The following MTG2 variants were observed in gnomAD, a reference collection of about 807,000 sequenced individuals.
The protein encoded by MTG2 is mitochondrial ribosome associated GTPase 2, also known as mitochondrial ribosome-associated GTPase 2.
In MTG2, 23 loss-of-function variants were observed where a neutral mutation model predicts 28.6. That is an observed-to-expected ratio of 0.80 (90% confidence interval 0.58 to 1.14). The LOEUF is 1.14. MTG2 is among the 50% of genes most tolerant of loss of function. The probability of loss-of-function intolerance (pLI) is 0.00; values close to 1 mark genes in which losing one functional copy is unlikely to be tolerated. For missense variants in MTG2, 539 were observed against 552.0 expected, an observed-to-expected ratio of 0.98 and a Z score of 0.24; for synonymous variants, 260 against 251.8, an observed-to-expected ratio of 1.03 and a Z score of -0.31.
intron 1 of MTG2, chr20:62,188,773 T>G (rs923592351): frequency 2.6e-5 from 4 of 152,154 alleles, no homozygotes; most frequent in Non-Finnish European, 4.4e-5. Context: ...TTACTGGTTT[T>G]TTTGTTTGTT....
At chr20:62,184,451 G>C (rs965095161) in intron 1 of MTG2, among the ~76,000 whole-genome samples, 1 of 152,242 alleles carries the variant, frequency 6.6e-6, no homozygotes. Context: ...GCAGAGTGCA[G>C]GTTAATGACA....
rs2058166769 is a variant in MTG2, at chr20:62,201,300, A to G, written c.*223A>G. 1.7e-6 allele frequency: 1 copy of G among 590,260 alleles called. No homozygotes were observed. The highest frequency in any genetic ancestry group is 2.2e-5 in the South Asian group (1 of 45,994). 36.6% of individuals were successfully genotyped at this position (590,260 alleles called of 1,614,324 possible). A position where few individuals can be genotyped will look rare whatever the true frequency, so the allele number is the denominator to read the frequency against. ...TTCCTGCACCTGTCAGCCTGCACCG[A>G]CTGATGAGCCAGTTGCTCATTTGTG... is the stretch of plus-strand genomic sequence containing the variant. On this transcript the variant is annotated 3_prime_UTR_variant, in exon 7 of 7. Transcript: ENST00000370823.
Position 62,193,599 on chromosome 20 carries a change from A to C in MTG2, c.179A>C (p.Lys60Thr), listed in dbSNP as rs1452100039. 4.3e-6 allele frequency: 7 copies of C among 1,612,634 alleles called. No homozygotes were observed. Among genetic ancestry groups the C allele is most frequent in the Non-Finnish European group, 5.9e-6 (7 of 1,179,918 alleles). Reference protein sequence around the residue: ...DLAKHQELPGKKLLSEKKLKR... With the variant: ...DLAKHQELPGTKLLSEKKLKR... Reference sequence around the variant, plus strand: ...GCCAAGCATCAGGAACTCCCGGGGAAGAAGCTGCTCTCTGAGAAAAAGCTG... The same window carrying C: ...GCCAAGCATCAGGAACTCCCGGGGACGAAGCTGCTCTCTGAGAAAAAGCTG... Residue 60 changes from lysine to threonine, a missense_variant, in exon 2 of 7, where the codon AAG becomes ACG. By Grantham distance (78) the Lys-to-Thr change is moderately conservative. Transcript: ENST00000370823.
rs1259416697 is a variant in MTG2, at chr20:62,197,900, G to A, written c.401G>A (p.Gly134Asp). Residue 134 changes from glycine to aspartate, a missense_variant, in exon 4 of 7, where the codon GGT (glycine) becomes GAT (aspartate). Physicochemically the swap from Gly to Asp is moderately conservative, Grantham distance 94. Coordinates refer to ENST00000370823, the MANE Select transcript of MTG2 (RefSeq NM_015666.4). ...TCGTCGGTCCTGTCGCGGTACCAGG[G>A]TTTCAGTGGAGAAGATGGAGGGAGT... ...SLSSVLSRYQ[G>D]FSGEDGGSKN... 1 of 1,614,240 alleles carries A rather than the reference G, an allele frequency of 6.2e-7. No individual in the cohort carries two copies.
chr20:62,185,002 C>T (rs1220091935), intron 1 of MTG2, among the ~76,000 whole-genome samples: 1 of 151,314 alleles, frequency 6.6e-6, no homozygotes, highest in African/African-American at 2.4e-5. Flanking sequence ...CCCAGGTACT[C>T]GGGAGGCTGA....
chr20:62,195,414 A>G (rs1000574003), intron 2 of MTG2, among the ~76,000 whole-genome samples: 1 of 152,194 alleles, frequency 6.6e-6, no homozygotes, highest in Non-Finnish European at 1.5e-5. Context: ...CTATGATTTC[A>G]GGAATGGTTT....
Position 62,201,167 on chromosome 20 carries a change from A to G in MTG2, c.*90A>G. 5 of 1,416,640 alleles carry G rather than the reference A, an allele frequency of 3.5e-6. No individual in the cohort carries two copies. The highest frequency in any genetic ancestry group is 4.6e-6 in the Non-Finnish European group (5 of 1,075,896). The allele number at this position is 1,416,640 out of a possible 1,614,324, so 87.8% of individuals were successfully genotyped here. On this transcript the variant is annotated 3_prime_UTR_variant, in exon 7 of 7. Transcript: ENST00000370823. ...TTTGAATGCATAAAGTGCCTTGTGGACACGGGGGAGTTGTGGTGCTTCTGG... is the reference window on the plus strand; with the variant it reads ...TTTGAATGCATAAAGTGCCTTGTGGGCACGGGGGAGTTGTGGTGCTTCTGG...
intron 1 of MTG2, among the ~76,000 whole-genome samples, chr20:62,191,146 C>T (rs1004481071): frequency 6.6e-6 from 1 of 152,154 alleles, no homozygotes; most frequent in Non-Finnish European, 1.5e-5. Context: ...ATGAGGACGT[C>T]CTGTGCACAG....
At position 62,197,851 on chromosome 20, in the gene MTG2, G is replaced by C; in HGVS notation, c.353-1G>C. The C allele has an allele frequency of 1.2e-6, 2 of 1,613,730 alleles. No homozygotes were observed. Among genetic ancestry groups the C allele is most frequent in the East Asian group, 2.2e-5 (1 of 44,880 alleles). On this transcript the variant is annotated splice_acceptor_variant, in intron 3 of 6. Transcript: ENST00000370823. LOFTEE classifies it high-confidence loss of function. ...GACTGAGATTCTTGTTCTTGCTTTA[G>C]TTGACCAGCAAGTCAAGTCCCTGTC...
intron 2 of MTG2, among the ~76,000 whole-genome samples, chr20:62,195,013 G>C (rs146727712): frequency 6.6e-6 from 1 of 152,126 alleles, no homozygotes; most frequent in African/African-American, 2.4e-5. Flanking sequence ...TGGCCAACAC[G>C]GTGAAACCCC....
chr20:62,197,851 G>T lies in MTG2; in HGVS notation c.353-1G>T, dbSNP rs758834549. 4 of 1,613,730 alleles carry T rather than the reference G, an allele frequency of 2.5e-6. No individual in the cohort carries two copies. Among genetic ancestry groups the T allele is most frequent in the Non-Finnish European group, 2.5e-6 (3 of 1,179,580 alleles). ...GACTGAGATTCTTGTTCTTGCTTTAGTTGACCAGCAAGTCAAGTCCCTGTC... is the reference window on the plus strand; with the variant it reads ...GACTGAGATTCTTGTTCTTGCTTTATTTGACCAGCAAGTCAAGTCCCTGTC... On this transcript the variant is annotated splice_acceptor_variant, in intron 3 of 6. Coordinates refer to ENST00000370823, the MANE Select transcript of MTG2 (RefSeq NM_015666.4). LOFTEE classifies it high-confidence loss of function.
Position 62,201,135 on chromosome 20 carries a change from C to A in MTG2, c.*58C>A, listed in dbSNP as rs1465009762. 1 of 1,493,130 alleles carries A rather than the reference C, an allele frequency of 6.7e-7. No homozygotes were observed. 92.5% of individuals were successfully genotyped at this position (1,493,130 alleles called of 1,614,324 possible). A position where few individuals can be genotyped will look rare whatever the true frequency, so the allele number is the denominator to read the frequency against. On this transcript the variant is annotated 3_prime_UTR_variant, in exon 7 of 7. Coordinates refer to ENST00000370823, the MANE Select transcript of MTG2 (RefSeq NM_015666.4). Reference sequence around the variant, plus strand: ...GTCTGAGCAAACCTGGGTGTGAATTCGGTGGTTTTGAATGCATAAAGTGCC... The same window carrying A: ...GTCTGAGCAAACCTGGGTGTGAATTAGGTGGTTTTGAATGCATAAAGTGCC...
intron 1 of MTG2, chr20:62,188,868 T>C (rs1479118555): frequency 2.7e-5 from 4 of 147,770 alleles, no homozygotes; most frequent in Non-Finnish European, 4.5e-5. Context: ...TTGAGACTTA[T>C]GACACATCTT....
chr20:62,188,277 A>G (rs551229789), intron 1 of MTG2, among the ~76,000 whole-genome samples: 7 of 152,222 alleles, frequency 4.6e-5, no homozygotes, highest in African/African-American at 1.7e-4. Flanking sequence ...ATTTTCCTAG[A>G]TATTTTCTAG....
In MTG2 at chr20:62,199,243, A is replaced by G; in HGVS notation, c.812A>G (p.His271Arg). The G allele has an allele frequency of 1.2e-6, 2 of 1,612,046 alleles. No homozygotes were observed. Among genetic ancestry groups the G allele is most frequent in the Non-Finnish European group, 8.5e-7 (1 of 1,178,256 alleles). Reference protein sequence around the residue: ...PHVGIVHYEGHLQIAVADIPG... With the variant: ...PHVGIVHYEGRLQIAVADIPG... ...GTCGGGATCGTCCACTACGAAGGCC[A>G]CCTACAAATAGCAGGTAGAACTTCC... is the stretch of plus-strand genomic sequence containing the variant. Residue 271 changes from histidine to arginine, a missense_variant, in exon 6 of 7, where the codon CAC (histidine) becomes CGC (arginine). By Grantham distance (29) the His-to-Arg change is conservative. Transcript: ENST00000370823.
At chr20:62,188,508 A>ATTT (rs1192106476) in intron 1 of MTG2, among the ~76,000 whole-genome samples, 6,639 of 89,512 alleles carry the variant, frequency 0.074, 280 homozygotes, top group Non-Finnish European at 0.1. Context: ...TAATCAGCTA[A>ATTT]TTTTTTTTTT....
Position 62,201,114 on chromosome 20 carries a change from G to A in MTG2, c.*37G>A. On this transcript the variant is annotated 3_prime_UTR_variant, in exon 7 of 7. Transcript: ENST00000370823. Reference sequence around the variant, plus strand: ...CGGGGTCGCCTCTGGGCCTCTGTCTGAGCAAACCTGGGTGTGAATTCGGTG... The same window carrying A: ...CGGGGTCGCCTCTGGGCCTCTGTCTAAGCAAACCTGGGTGTGAATTCGGTG... 1 of 1,532,478 alleles carries A rather than the reference G, an allele frequency of 6.5e-7. No individual in the cohort carries two copies. Among genetic ancestry groups the A allele is most frequent in the Non-Finnish European group, 8.7e-7 (1 of 1,146,570 alleles). 94.9% of individuals were successfully genotyped at this position (1,532,478 alleles called of 1,614,324 possible).
chr20:62,202,872 G>C lies in MTG2; in HGVS notation c.*1795G>C, dbSNP rs77604297. 1 of 152,274 alleles carries C rather than the reference G, an allele frequency of 6.6e-6. No individual in the cohort carries two copies. The highest frequency in any genetic ancestry group is 1.5e-5 in the Non-Finnish European group (1 of 68,072). The allele number at this position is 152,274 out of a possible 1,614,324, so 9.4% of individuals were successfully genotyped here. A position where few individuals can be genotyped will look rare whatever the true frequency, so the allele number is the denominator to read the frequency against. ...AGATGAGCCGCAAGGGTCCGGGGCC[G>C]CGTCTCTGCACGCTGGGGTGGGGCG... On this transcript the variant is annotated 3_prime_UTR_variant, in exon 7 of 7. Transcript: ENST00000370823.
At chr20:62,192,140 T>G (rs2057972419) in intron 1 of MTG2, among the ~76,000 whole-genome samples, 2 of 152,220 alleles carry the variant, frequency 1.3e-5, no homozygotes, top group African/African-American at 4.8e-5. Context: ...ACCCCAGCGT[T>G]AGGGGCTCAG....
Sources: allele counts gnomAD v4.1 joint callset (sites outside exome capture counted in the v4.1 genomes callset), GRCh38; gene constraint gnomAD v4.1.1; transcripts MANE v1.5; gene names NCBI Gene and HGNC (gene_info 2026-07-23, HGNC 2026-07-21).